SYT1: variants seen among roughly 807,000 people sequenced by gnomAD.
SYT1 encodes the protein synaptotagmin 1, also known as synaptotagmin-1.
SYT1 carries 8 observed loss-of-function variants against 44.8 expected under a neutral mutation model. The observed-to-expected ratio is 0.18, with a 90% CI of 0.10 to 0.32. The LOEUF is 0.32. Among genes scored for constraint, SYT1 ranks in the 10% least tolerant of loss-of-function variants. The pLI is 1.00. For missense variants in SYT1, 286 were observed against 509.3 expected (o/e 0.56, Z 4.22); for synonymous variants, 154 against 188.8 (o/e 0.82, Z 1.51).
chr12:79,015,564 T>C (rs1478632645), intron 2 of SYT1, among the ~76,000 whole-genome samples: 3 of 152,156 alleles, frequency 2.0e-5, no homozygotes, highest in Non-Finnish European at 2.9e-5. Context: ...AAAATAAAAG[T>C]TTATGCATTA....
chr12:79,391,123 A>G (rs1235743498), intron 9 of SYT1, among the ~76,000 whole-genome samples: 2 of 152,194 alleles, frequency 1.3e-5, no homozygotes, highest in African/African-American at 4.8e-5. Flanking sequence ...TTTTAAGATT[A>G]GTCATAGCCT....
At chr12:79,248,409 C>A (rs1385301448) in intron 4 of SYT1, among the ~76,000 whole-genome samples, 1 of 152,082 alleles carries the variant, frequency 6.6e-6, no homozygotes, top group South Asian at 2.1e-4. Context: ...GGAAAATTAG[C>A]ATATTCAAAA....
At chr12:79,424,060 A>T (rs1430358485) in intron 9 of SYT1, among the ~76,000 whole-genome samples, 1 of 151,972 alleles carries the variant, frequency 6.6e-6, no homozygotes, top group African/African-American at 2.4e-5. Flanking sequence ...CCCTCAAACA[A>T]GTCATACTTA....
At chr12:79,238,511 G>C (rs1484396734) in intron 4 of SYT1, among the ~76,000 whole-genome samples, 1 of 152,170 alleles carries the variant, frequency 6.6e-6, no homozygotes, top group Non-Finnish European at 1.5e-5. Context: ...TAAGAAGTGA[G>C]GAAACAGAGT....
intron 3 of SYT1, among the ~76,000 whole-genome samples, chr12:79,103,677 A>C (rs549021367): frequency 5.9e-4 from 90 of 152,264 alleles, no homozygotes; most frequent in African/African-American, 2.1e-3. Context: ...AGTGGCTTCT[A>C]ATATTTTTAG....
At chr12:78,999,653 G>T (rs1240285290) in intron 2 of SYT1, among the ~76,000 whole-genome samples, 1 of 152,132 alleles carries the variant, frequency 6.6e-6, no homozygotes, top group Non-Finnish European at 1.5e-5. Flanking sequence ...TTTTAGAGAG[G>T]ATAGGTACAT....
chr12:79,152,750 GA>G (rs1261033887), intron 3 of SYT1, among the ~76,000 whole-genome samples: 4 of 151,870 alleles, frequency 2.6e-5, no homozygotes, highest in African/African-American at 7.3e-5. Context: ...AATGGAAAGG[GA>G]AGCTTGACTA....
chr12:79,392,798 C>CTTTTTTT (rs755888075), intron 9 of SYT1: 23 of 98,848 alleles, frequency 2.3e-4, no homozygotes, highest in Admixed American at 3.2e-4. Flanking sequence ...ATTTTTCTTT[C>CTTTTTTT]TTTTTTTTTT....
chr12:79,179,540 T>G (rs1360478299), intron 3 of SYT1, among the ~76,000 whole-genome samples: 9 of 137,154 alleles, frequency 6.6e-5, no homozygotes, highest in East Asian at 2.1e-4. Flanking sequence ...TAGATATAGA[T>G]ATAGAGATAT....
intron 8 of SYT1, among the ~76,000 whole-genome samples, chr12:79,341,570 G>A (rs1355575082): frequency 6.6e-6 from 1 of 151,206 alleles, no homozygotes; most frequent in Non-Finnish European, 1.5e-5. Context: ...GTCTAGCTGT[G>A]TTCTCAGGAA....
rs1871698956 is a variant in SYT1, at chr12:79,014,896, T to C, written c.-83-32401T>C. ...CTATGCAGCCATAAAAAATGATGAG[T>C]TCATGTCCTTTGTAGGGACATGGAT... On this transcript the variant is annotated intron_variant, in intron 2 of 10. Transcript: ENST00000261205. Among the ~76,000 whole-genome samples the C allele has an allele frequency of 2.6e-5, 4 of 151,950 alleles. No individual in the cohort carries two copies. The South Asian group carries it at 8.3e-4, about 32-fold the overall frequency.
chr12:79,207,292 A>T (rs1874180825), intron 3 of SYT1, among the ~76,000 whole-genome samples: 1 of 152,186 alleles, frequency 6.6e-6, no homozygotes, highest in African/African-American at 2.4e-5. Context: ...CTTTGAGTAC[A>T]TCTCCCACCC....
chr12:79,314,578 G>A (rs182504354), intron 8 of SYT1, among the ~76,000 whole-genome samples: 13 of 152,258 alleles, frequency 8.5e-5, no homozygotes, highest in Admixed American at 7.8e-4. Flanking sequence ...AGCAAGTGTT[G>A]GCAAAGATGT....
chr12:79,269,125 T>A (rs1878284797), intron 4 of SYT1, among the ~76,000 whole-genome samples: 1 of 151,924 alleles, frequency 6.6e-6, no homozygotes, highest in Non-Finnish European at 1.5e-5. Flanking sequence ...AATAAATTTA[T>A]TGAATGCCAG....
intron 3 of SYT1, among the ~76,000 whole-genome samples, chr12:79,180,267 A>G (rs1057353428): frequency 7.9e-5 from 12 of 152,064 alleles, no homozygotes; most frequent in Non-Finnish European, 1.8e-4. Context: ...CTTTTCTAGA[A>G]CAAGCATAAG....
rs1456975650 is a variant in SYT1, at chr12:79,088,758, GTGTGTGTGTGTGTGTGTGTGTA to G, written c.-18+41411_-18+41432del. ...TGGGCCTGTGTGTGTGTGTGTGTGT[GTGTGTGTGTGTGTGTGTGTGTA>G]TGTGTGTGTGTGTGAGGGGGCAGAG... On this transcript the variant is annotated intron_variant, in intron 3 of 10. Transcript: ENST00000261205. Among the ~76,000 whole-genome samples, 16 of 150,808 alleles carry G rather than the reference GTGTGTGTGTGTGTGTGTGTGTA, an allele frequency of 1.1e-4. No homozygotes were observed. The East Asian group carries it at 3.0e-3, about 28-fold the overall frequency.
intron 3 of SYT1, among the ~76,000 whole-genome samples, chr12:79,088,665 A>G (rs555675274): frequency 1.3e-5 from 2 of 152,050 alleles, no homozygotes; most frequent in Admixed American, 6.6e-5. Flanking sequence ...TGCACTCTGA[A>G]TAGATTGGAG....
intron 3 of SYT1, among the ~76,000 whole-genome samples, chr12:79,182,474 A>G (rs991902185): frequency 5.3e-5 from 8 of 152,104 alleles, no homozygotes. Flanking sequence ...AGGACCATCC[A>G]TGAGAATATA....
intron 4 of SYT1, among the ~76,000 whole-genome samples, chr12:79,222,984 A>G (rs766428190): frequency 5.9e-5 from 9 of 151,718 alleles, no homozygotes; most frequent in Non-Finnish European, 1.3e-4. Flanking sequence ...CTTTTTTATT[A>G]TTTAAACCTC....
Sources: allele counts gnomAD v4.1 joint callset (sites outside exome capture counted in the v4.1 genomes callset), GRCh38; gene constraint gnomAD v4.1.1; transcripts MANE v1.5; gene names NCBI Gene and HGNC (gene_info 2026-07-23, HGNC 2026-07-21).